Variants in PTPRD observed in about 807,000 individuals in gnomAD.
PTPRD encodes receptor-type tyrosine-protein phosphatase delta.
A neutral mutation model predicts 214.5 loss-of-function variants in PTPRD; 34 were observed. The ratio of observed to expected loss-of-function variants is 0.16; its 90% CI spans 0.12 to 0.21. The LOEUF (loss-of-function observed/expected upper bound fraction) is 0.21. Ranked by LOEUF, PTPRD falls within the 10% of genes least tolerant of loss-of-function variation. The pLI is 1.00. For synonymous variants in PTPRD, 1,128 were observed against 845.7 expected (o/e 1.33, Z -5.79); for missense variants, 2,545 against 2,398.7 (o/e 1.06, Z -1.27).
intron 3 of PTPRD, among the ~76,000 whole-genome samples, chr9:10,307,103 G>C (rs2096099249): frequency 1.3e-5 from 2 of 151,956 alleles, no homozygotes; most frequent in African/African-American, 4.8e-5. Context: ...TATCTAATTT[G>C]AAACATATAA....
At chr9:9,202,414 T>A (rs1217941797) in intron 9 of PTPRD, among the ~76,000 whole-genome samples, 1 of 152,180 alleles carries the variant, frequency 6.6e-6, no homozygotes, top group Non-Finnish European at 1.5e-5. Flanking sequence ...ATTAAAGCTG[T>A]CCCTGACAGC....
chr9:9,113,308 C>T (rs148119594), intron 10 of PTPRD, among the ~76,000 whole-genome samples: 111 of 152,100 alleles, frequency 7.3e-4, no homozygotes, highest in Non-Finnish European at 1.4e-3. Flanking sequence ...TTATCTATTG[C>T]ATCCATCTTT....
intron 2 of PTPRD, among the ~76,000 whole-genome samples, chr9:10,539,075 G>A (rs562763097): frequency 6.6e-6 from 1 of 152,262 alleles, no homozygotes; most frequent in Admixed American, 6.5e-5. Context: ...CCTGAGAACT[G>A]AAAATACCCC....
At chr9:9,875,349 A>C (rs1255116031) in intron 5 of PTPRD, among the ~76,000 whole-genome samples, 1 of 152,098 alleles carries the variant, frequency 6.6e-6, no homozygotes, top group African/African-American at 2.4e-5. Flanking sequence ...CCTAGCCTGG[A>C]TGATAGAGTG....
At chr9:9,915,415 G>T (rs1297279616) in intron 5 of PTPRD, among the ~76,000 whole-genome samples, 1 of 150,790 alleles carries the variant, frequency 6.6e-6, no homozygotes, top group African/African-American at 2.4e-5. Context: ...GCCAGAAAAA[G>T]AATTCAAAAT....
At chr9:8,727,667 T>C (rs2098600052) in intron 12 of PTPRD, among the ~76,000 whole-genome samples, 1 of 152,036 alleles carries the variant, frequency 6.6e-6, no homozygotes, top group Non-Finnish European at 1.5e-5. Context: ...TGTTTGTTTG[T>C]TTGTTTTGAG....
intron 11 of PTPRD, among the ~76,000 whole-genome samples, chr9:8,876,881 G>A (rs1233633329): frequency 2.0e-5 from 3 of 151,900 alleles, no homozygotes; most frequent in African/African-American, 4.8e-5. Flanking sequence ...CCTTTAAAAT[G>A]TATCCTCCTT....
chr9:9,435,709 A>G (rs887727284), intron 8 of PTPRD, among the ~76,000 whole-genome samples: 2 of 152,234 alleles, frequency 1.3e-5, no homozygotes, highest in African/African-American at 2.4e-5. Context: ...GACTATAATA[A>G]TTGAATATTA....
chr9:9,068,585 C>T (rs971406894), intron 10 of PTPRD, among the ~76,000 whole-genome samples: 2 of 152,056 alleles, frequency 1.3e-5, no homozygotes, highest in Non-Finnish European at 2.9e-5. Flanking sequence ...TCTTTCTCAT[C>T]TTTATCTTGC....
At chr9:9,854,069 C>G (rs993338447) in intron 5 of PTPRD, among the ~76,000 whole-genome samples, 2 of 152,148 alleles carry the variant, frequency 1.3e-5, no homozygotes, top group African/African-American at 2.4e-5. Flanking sequence ...ATTCATCACA[C>G]CATGCAACAG....
intron 11 of PTPRD, among the ~76,000 whole-genome samples, chr9:8,786,054 T>TGG (rs1201672671): frequency 1.4e-5 from 2 of 141,588 alleles, no homozygotes. Context: ...TGTGTGTGTG[T>TGG]GTGTGTGTGT....
At chr9:10,048,454 C>A (rs1351730233) in intron 3 of PTPRD, among the ~76,000 whole-genome samples, 1 of 152,056 alleles carries the variant, frequency 6.6e-6, no homozygotes, top group Non-Finnish European at 1.5e-5. Flanking sequence ...TGCTTCTGAC[C>A]ATTGCTATCT....
At chr9:9,498,021 C>T (rs1189769837) in intron 8 of PTPRD, among the ~76,000 whole-genome samples, 1 of 152,040 alleles carries the variant, frequency 6.6e-6, no homozygotes, top group Non-Finnish European at 1.5e-5. Flanking sequence ...CCTGAGATAA[C>T]AGTTCCCAGT....
intron 4 of PTPRD, among the ~76,000 whole-genome samples, chr9:9,955,086 A>G (rs1329099736): frequency 6.6e-6 from 1 of 152,228 alleles, no homozygotes; most frequent in South Asian, 2.1e-4. Flanking sequence ...TGAAGAAGAT[A>G]GGCAATCTAC....
intron 2 of PTPRD, among the ~76,000 whole-genome samples, chr9:10,467,676 A>ATG (rs1466739886): frequency 6.6e-6 from 1 of 152,260 alleles, no homozygotes; most frequent in African/African-American, 2.4e-5. Context: ...GATGATATAT[A>ATG]TGTGTGTAAA....
intron 5 of PTPRD, among the ~76,000 whole-genome samples, chr9:9,788,604 G>C (rs1020875780): frequency 1.3e-5 from 2 of 151,532 alleles, no homozygotes; most frequent in Non-Finnish European, 2.9e-5. Flanking sequence ...GCTTTCTAAG[G>C]GGTGGTAATG....
At chr9:8,807,424 G>C (rs955269434) in intron 11 of PTPRD, among the ~76,000 whole-genome samples, 1 of 152,098 alleles carries the variant, frequency 6.6e-6, no homozygotes, top group East Asian at 1.9e-4. Context: ...CTTATTTGGA[G>C]ATACAAACCA....
At chr9:9,791,629 A>C (rs968455031) in intron 5 of PTPRD, among the ~76,000 whole-genome samples, 6 of 152,042 alleles carry the variant, frequency 3.9e-5, no homozygotes, top group Admixed American at 6.6e-5. Context: ...TCTTTCTTTT[A>C]CATTATTTGC....
At chr9:10,035,221 T>C (rs985571494) in intron 3 of PTPRD, among the ~76,000 whole-genome samples, 2 of 152,140 alleles carry the variant, frequency 1.3e-5, no homozygotes, top group African/African-American at 4.8e-5. Context: ...TTTTTTTCAA[T>C]ATGGTTGTTG....
Sources: gnomAD v4.1 joint callset for allele counts (sites outside exome capture counted in the v4.1 genomes callset) on GRCh38, gnomAD v4.1.1 for gene constraint, MANE v1.5 for transcripts, NCBI Gene and HGNC (gene_info 2026-07-23, HGNC 2026-07-21) for gene names.